The following TAFA2 variants were observed in gnomAD, a reference collection of about 807,000 sequenced individuals.
The protein encoded by TAFA2 is TAFA chemokine like family member 2, also known as chemokine-like protein TAFA-2.
Under a neutral mutation model 18.8 loss-of-function variants are expected in TAFA2, and 7 were observed. That is an observed-to-expected ratio of 0.37 (90% CI 0.21 to 0.70). The LOEUF is 0.70. Among genes scored for constraint, TAFA2 ranks in the 30% least tolerant of loss-of-function variants. The pLI is 0.53. For missense variants in TAFA2, 122 were observed against 158.1 expected, an observed-to-expected ratio of 0.77 and a Z score of 1.23; for synonymous variants, 60 against 54.2, an observed-to-expected ratio of 1.11 and a Z score of -0.47.
chr12:61,982,197 C>CCAAA (rs1879657442), intron 1 of TAFA2, among the ~76,000 whole-genome samples: 1 of 152,062 alleles, frequency 6.6e-6, no homozygotes, highest in African/African-American at 2.4e-5. Context: ...GGACAGAAAA[C>CCAAA]CAAACACCTC....
chr12:61,924,146 C>A (rs1425904455), intron 1 of TAFA2, among the ~76,000 whole-genome samples: 1 of 152,032 alleles, frequency 6.6e-6, no homozygotes, highest in Non-Finnish European at 1.5e-5. Context: ...GAGAAAGGAA[C>A]CAAGTTGGAA....
intron 1 of TAFA2, among the ~76,000 whole-genome samples, chr12:61,996,722 G>A (rs1440447677): frequency 1.3e-5 from 2 of 152,030 alleles, no homozygotes; most frequent in African/African-American, 4.8e-5. Context: ...TATGTACCCT[G>A]GCATCACTTC....
rs551723509 is a variant in TAFA2 at position 61,803,224 on chromosome 12, C to G, written c.107-48200G>C. On this transcript the variant is annotated intron_variant, in intron 2 of 4. Coordinates refer to ENST00000416284, the MANE Select transcript of TAFA2 (RefSeq NM_178539.5). ...TGGCAATACTTACTAGTGAGCATGC[C>G]TGCTGTTTCTGCTTGAAAGCCAAAG... Among the ~76,000 whole-genome samples the G allele has an allele frequency of 7.2e-5, 11 of 151,866 alleles. No homozygotes were observed. In the South Asian group the frequency reaches 1.9e-3, roughly 26 times the overall value.
chr12:62,234,955 G>T (rs1368588824), intron 1 of TAFA2: 2 of 714,014 alleles, frequency 2.8e-6, no homozygotes, highest in Non-Finnish European at 5.2e-6. Flanking sequence ...TCAGTGGAAG[G>T]CATGGTCGAG....
chr12:61,882,044 A>T (rs1875168097), intron 1 of TAFA2, among the ~76,000 whole-genome samples: 1 of 152,178 alleles, frequency 6.6e-6, no homozygotes, highest in South Asian at 2.1e-4. Context: ...GAGTGCCATT[A>T]TATGAAATAA....
chr12:62,124,091 G>A (rs777140205), intron 1 of TAFA2, among the ~76,000 whole-genome samples: 13 of 152,086 alleles, frequency 8.5e-5, no homozygotes, highest in Non-Finnish European at 5.9e-5. Flanking sequence ...CTGCGAATCA[G>A]TATTTTTGCC....
At chr12:61,742,292 T>C (rs188259168) in intron 4 of TAFA2, among the ~76,000 whole-genome samples, 457 of 152,272 alleles carry the variant, frequency 3.0e-3, no homozygotes, top group Non-Finnish European at 4.7e-3. Context: ...AATGACATCA[T>C]CCAACTAGCA....
At chr12:61,817,719 C>G (rs1464266143) in intron 2 of TAFA2, among the ~76,000 whole-genome samples, 1 of 152,118 alleles carries the variant, frequency 6.6e-6, no homozygotes, top group Admixed American at 6.5e-5. Flanking sequence ...AAAAAGGCCA[C>G]AATGAGTGAA....
chr12:62,044,290 G>A (rs1184982523), intron 1 of TAFA2, among the ~76,000 whole-genome samples: 1 of 152,104 alleles, frequency 6.6e-6, no homozygotes, highest in Non-Finnish European at 1.5e-5. Flanking sequence ...TAATCTGAGT[G>A]TTTTAACATT....
intron 1 of TAFA2, among the ~76,000 whole-genome samples, chr12:61,895,956 G>A (rs1280364328): frequency 6.6e-6 from 1 of 151,946 alleles, no homozygotes; most frequent in African/African-American, 2.4e-5. Context: ...CCCAAAAACA[G>A]ATTGCCCTGT....
intron 1 of TAFA2, among the ~76,000 whole-genome samples, chr12:62,175,634 G>T (rs2062507582): frequency 6.6e-6 from 1 of 151,954 alleles, no homozygotes; most frequent in African/African-American, 2.4e-5. Flanking sequence ...TAACAAAGTA[G>T]TTCTTCAAAT....
intron 1 of TAFA2, among the ~76,000 whole-genome samples, chr12:61,940,360 T>G (rs1360559921): frequency 6.6e-6 from 1 of 152,100 alleles, no homozygotes; most frequent in Non-Finnish European, 1.5e-5. Flanking sequence ...GAAAATAAAG[T>G]GCAAAGGGAT....
chr12:62,066,726 C>T (rs1386924911), intron 1 of TAFA2, among the ~76,000 whole-genome samples: 1 of 151,912 alleles, frequency 6.6e-6, no homozygotes, highest in Non-Finnish European at 1.5e-5. Flanking sequence ...TTGATGAACA[C>T]AGGTTGCTTT....
At chr12:62,185,686 T>C (rs2062581498) in intron 1 of TAFA2, among the ~76,000 whole-genome samples, 1 of 152,232 alleles carries the variant, frequency 6.6e-6, no homozygotes, top group South Asian at 2.1e-4. Context: ...TATAAGCTAG[T>C]AATGATAAAA....
intron 1 of TAFA2, among the ~76,000 whole-genome samples, chr12:61,915,800 C>T (rs1156886157): frequency 6.6e-6 from 1 of 152,128 alleles, no homozygotes; most frequent in Non-Finnish European, 1.5e-5. Context: ...CCTTTTTGTT[C>T]TATCCAGGTC....
intron 2 of TAFA2, among the ~76,000 whole-genome samples, chr12:61,857,119 A>G (rs1044854096): frequency 6.6e-6 from 1 of 152,052 alleles, no homozygotes; most frequent in Non-Finnish European, 1.5e-5. Context: ...ATATAAAAAC[A>G]TTGTTTTAAA....
At position 61,710,311 on chromosome 12, in the gene TAFA2, T is replaced by G. The variant is rs1345588883; in HGVS notation, c.*95A>C. The G allele has an allele frequency of 1.8e-6, 2 of 1,136,052 alleles. No individual in the cohort carries two copies. The highest frequency in any genetic ancestry group is 3.1e-5 in the African/African-American group (2 of 65,246). The allele number at this position is 1,136,052 out of a possible 1,614,324, so 70.4% of individuals were successfully genotyped here. On this transcript the variant is annotated 3_prime_UTR_variant, in exon 5 of 5. Transcript: ENST00000416284. Reference sequence around the variant, plus strand: ...ACTATTGAGCGCCTCTTTCAAGTGGTATAAAAATCTTCAAGATCACCTCAG... The same window carrying G: ...ACTATTGAGCGCCTCTTTCAAGTGGGATAAAAATCTTCAAGATCACCTCAG...
At chr12:62,066,248 TC>T (rs1195326566) in intron 1 of TAFA2, among the ~76,000 whole-genome samples, 1 of 151,764 alleles carries the variant, frequency 6.6e-6, no homozygotes, top group African/African-American at 2.4e-5. Context: ...AAATAGAGTA[TC>T]CATCACCTCA....
intron 1 of TAFA2, among the ~76,000 whole-genome samples, chr12:62,209,015 C>T (rs1365125567): frequency 6.6e-6 from 1 of 152,142 alleles, no homozygotes; most frequent in African/African-American, 2.4e-5. Context: ...AACAAGATCG[C>T]TTTTGGCCTC....
Sources: allele counts gnomAD v4.1 joint callset (sites outside exome capture counted in the v4.1 genomes callset), GRCh38; gene constraint gnomAD v4.1.1; transcripts MANE v1.5; gene names NCBI Gene and HGNC (gene_info 2026-07-23, HGNC 2026-07-21).